The following PDE10A variants were observed in gnomAD, a reference collection of about 807,000 sequenced individuals.
PDE10A encodes phosphodiesterase 10A.
PDE10A carries 39 observed loss-of-function variants against 97.7 expected under a neutral mutation model. The ratio of observed to expected loss-of-function variants is 0.40; its 90% CI spans 0.31 to 0.52. The LOEUF (loss-of-function observed/expected upper bound fraction) is 0.52, where lower values mean the gene tolerates loss of function less well. Among genes scored for constraint, PDE10A ranks in the 20% least tolerant of loss-of-function variants. The pLI, the probability that PDE10A is intolerant of heterozygous loss-of-function variation, is 0.56. For missense variants in PDE10A, 731 were observed against 1,047.8 expected (o/e 0.70, Z 4.17); for synonymous variants, 371 against 376.8 (o/e 0.98, Z 0.18).
chr6:165,875,746 T>TTTTTTTTTTTTTTTTTTTTTTTG (rs780504850), intron 1 of PDE10A, among the ~76,000 whole-genome samples: 1 of 147,014 alleles, frequency 6.8e-6, no homozygotes, highest in African/African-American at 2.6e-5. Context: ...TTTTTTTTTT[T>TTTTTTTTTTTTTTTTTTTTTTTG]TGTGTGTGTG....
rs1034757744 is a variant in PDE10A, at chr6:165,728,812, C to A, written c.-614-185244G>T. On this transcript the variant is annotated intron_variant, in intron 1 of 19. Transcript: ENST00000366882. Reference sequence around the variant, plus strand: ...ACCACTTTTGGGGCCAAAAACAAGACTTGTCTTTGGGGCTTGAGATGACCT... The same window carrying A: ...ACCACTTTTGGGGCCAAAAACAAGAATTGTCTTTGGGGCTTGAGATGACCT... 3.9e-5 allele frequency among the ~76,000 whole-genome samples: 6 copies of A among 152,128 alleles called. 1 individual carries two copies. The highest frequency in any genetic ancestry group is 3.9e-4 in the Admixed American group (6 of 15,284).
At chr6:165,601,321 G>A (rs1340864592) in intron 1 of PDE10A, among the ~76,000 whole-genome samples, 6 of 152,040 alleles carry the variant, frequency 3.9e-5, no homozygotes, top group Non-Finnish European at 7.4e-5. Context: ...TGTGAAAATG[G>A]ACTAATATGA....
At chr6:165,892,055 C>T (rs946253934) in intron 1 of PDE10A, among the ~76,000 whole-genome samples, 9 of 152,010 alleles carry the variant, frequency 5.9e-5, no homozygotes, top group Non-Finnish European at 1.0e-4. Flanking sequence ...ATGATCCAAG[C>T]ATAAAATATC....
chr6:165,524,661 C>T (rs1782322191), intron 2 of PDE10A, among the ~76,000 whole-genome samples: 1 of 44,650 alleles, frequency 2.2e-5, no homozygotes, highest in Admixed American at 3.4e-4. Context: ...GCTAAGATTG[C>T]CCTGAGTCAG....
intron 3 of PDE10A, among the ~76,000 whole-genome samples, chr6:165,471,299 T>C (rs475061): frequency 0.53 from 80,877 of 151,960 alleles, 21,694 homozygotes; most frequent in East Asian, 0.57. Flanking sequence ...GGCTTCTAAA[T>C]GTTATGTTCC....
At chr6:165,889,651 A>T (rs749789498) in intron 1 of PDE10A, among the ~76,000 whole-genome samples, 1 of 152,166 alleles carries the variant, frequency 6.6e-6, no homozygotes, top group Non-Finnish European at 1.5e-5. Flanking sequence ...CAGCAAAAAA[A>T]TACCAATCTC....
At chr6:165,336,718 C>T (rs1328670723) in intron 20 of PDE10A, among the ~76,000 whole-genome samples, 3 of 145,830 alleles carry the variant, frequency 2.1e-5, no homozygotes, top group Non-Finnish European at 4.5e-5. Flanking sequence ...CACTGCAGTC[C>T]GCAGTCCGGC....
At position 165,662,442 on chromosome 6, in the gene PDE10A, G is replaced by T. The variant is rs1790329986; in HGVS notation, c.370C>A (p.Pro124Thr). 1 of 150,910 alleles carries T rather than the reference G, an allele frequency of 6.6e-6. No individual in the cohort carries two copies. Among genetic ancestry groups the T allele is most frequent in the South Asian group, 1.8e-4 (1 of 5,530 alleles). 9.3% of individuals were successfully genotyped at this position (150,910 alleles called of 1,614,324 possible). A position where few individuals can be genotyped will look rare whatever the true frequency, so the allele number is the denominator to read the frequency against. Reference sequence around the variant, plus strand: ...GAGGGGAGAAAAGAGGGAGGGGGCGGGGGGGGCGGCGGCCAGAAGTAAAAG... The same window carrying T: ...GAGGGGAGAAAAGAGGGAGGGGGCGTGGGGGGCGGCGGCCAGAAGTAAAAG... ...SFFYFWPPPP[P>T]PPPSFLPSSS... The change falls in exon 1 of 22, where the codon CCG becomes ACG. Residue 124 changes from proline (P) to threonine (T), a missense_variant. Transcript: ENST00000539869.
intron 1 of PDE10A, among the ~76,000 whole-genome samples, chr6:165,674,018 G>A (rs1371353289): frequency 6.6e-6 from 1 of 151,946 alleles, no homozygotes; most frequent in African/African-American, 2.4e-5. Context: ...AGATATGATC[G>A]ATCATATTTT....
At chr6:165,980,653 TG>T (rs1250438478) in intron 1 of PDE10A, among the ~76,000 whole-genome samples, 1 of 152,234 alleles carries the variant, frequency 6.6e-6, no homozygotes, top group Non-Finnish European at 1.5e-5. Flanking sequence ...AATTTCTGGT[TG>T]GCTTCATAAG....
chr6:165,920,028 G>A (rs934076534), intron 1 of PDE10A, among the ~76,000 whole-genome samples: 3 of 152,114 alleles, frequency 2.0e-5, no homozygotes, highest in Non-Finnish European at 4.4e-5. Context: ...CAATACTCTA[G>A]TCAGCAAACT....
intron 3 of PDE10A, among the ~76,000 whole-genome samples, chr6:165,459,662 G>A (rs1489538829): frequency 6.6e-6 from 1 of 152,054 alleles, no homozygotes; most frequent in Non-Finnish European, 1.5e-5. Flanking sequence ...TTTTGACAAT[G>A]CTAATCCTCA....
intron 1 of PDE10A, among the ~76,000 whole-genome samples, chr6:165,551,778 T>C (rs915674990): frequency 1.3e-5 from 2 of 152,186 alleles, no homozygotes; most frequent in Non-Finnish European, 2.9e-5. Flanking sequence ...AAATTATCAA[T>C]TGAAAAATCT....
intron 1 of PDE10A, among the ~76,000 whole-genome samples, chr6:165,920,543 T>TACACACACAC (rs55746374): frequency 4.6e-4 from 69 of 149,380 alleles, no homozygotes; most frequent in African/African-American, 8.3e-4. Context: ...AGACTGGGCT[T>TACACACACAC]ACACACACAC....
At chr6:165,339,138 A>T in intron 20 of PDE10A, 140 bp downstream of exon 20, 1 of 699,448 alleles carries the variant, frequency 1.4e-6, no homozygotes, top group Non-Finnish European at 2.6e-6. Context: ...TGAAGTTTCT[A>T]TATTAATCAC....
intron 1 of PDE10A, among the ~76,000 whole-genome samples, chr6:165,599,683 T>C (rs1264649653): frequency 6.6e-6 from 1 of 152,178 alleles, no homozygotes; most frequent in African/African-American, 2.4e-5. Context: ...TATTATCATG[T>C]GAGCAAGCAA....
chr6:165,570,975 G>C (rs1457878559), intron 1 of PDE10A, among the ~76,000 whole-genome samples: 2 of 152,054 alleles, frequency 1.3e-5, no homozygotes, highest in African/African-American at 2.4e-5. Context: ...TGAGGATTGG[G>C]GTTACAAATC....
At chr6:165,695,439 A>G (rs900862237) in intron 1 of PDE10A, among the ~76,000 whole-genome samples, 5 of 152,072 alleles carry the variant, frequency 3.3e-5, no homozygotes, top group Admixed American at 1.3e-4. Context: ...AGCCAAGAAC[A>G]CAGGGCCCTC....
chr6:165,564,396 C>T lies in PDE10A; in HGVS notation c.866-20828G>A, dbSNP rs141928303. ...CAAGGACTGATAAGACCCGTTTTGA[C>T]AATCTTGGTTAGACAACAACGAAAT... On this transcript the variant is annotated intron_variant, in intron 1 of 21. Coordinates refer to ENST00000539869, the MANE Select transcript of PDE10A (RefSeq NM_001385079.1). 2.9e-3 allele frequency among the ~76,000 whole-genome samples: 448 copies of T among 152,206 alleles called. 5 individuals are homozygous for T. Among genetic ancestry groups the T allele is most frequent in the African/African-American group, 0.01 (419 of 41,478 alleles).
Sources: gnomAD v4.1 joint callset for allele counts (sites outside exome capture counted in the v4.1 genomes callset) on GRCh38, gnomAD v4.1.1 for gene constraint, MANE v1.5 for transcripts, NCBI Gene and HGNC (gene_info 2026-07-23, HGNC 2026-07-21) for gene names.